Variants in ROBO2 observed in about 807,000 individuals in gnomAD.
ROBO2 encodes the protein roundabout homolog 2.
Under a neutral mutation model 160.8 loss-of-function variants are expected in ROBO2, and 53 were observed. That is an observed-to-expected ratio of 0.33 (90% confidence interval 0.26 to 0.41). The LOEUF is 0.41. Ranked by LOEUF, ROBO2 falls within the 10% of genes least tolerant of loss-of-function variation. ROBO2 has a pLI of 1.00. For missense variants in ROBO2, 1,577 were observed against 1,722.4 expected (o/e 0.92, Z 1.49); for synonymous variants, 664 against 611.7 (o/e 1.09, Z -1.26).
rs1385740052 is a variant in ROBO2, at chr3:76,312,076, GT to G, written c.109+374477del. ...GGTTCTGCTTCCCCGAATGCCATTTGTTTATATAAACACAAGTTACCAAGAT... is the reference window on the plus strand; with the variant it reads ...GGTTCTGCTTCCCCGAATGCCATTTGTTATATAAACACAAGTTACCAAGAT... On this transcript the variant is annotated intron_variant, in intron 2 of 26. Transcript: ENST00000487694. Among the ~76,000 whole-genome samples, 7 of 152,150 alleles carry G rather than the reference GT, an allele frequency of 4.6e-5. No individual in the cohort carries two copies. In the East Asian group the frequency reaches 1.3e-3, roughly 29 times the overall value.
At chr3:77,614,804 G>A (rs939562463) in intron 21 of ROBO2, among the ~76,000 whole-genome samples, 2 of 152,028 alleles carry the variant, frequency 1.3e-5, no homozygotes, top group Non-Finnish European at 2.9e-5. Flanking sequence ...CTCACCCACA[G>A]GAAAATTTCA....
chr3:77,230,081 C>G (rs2086978957), intron 2 of ROBO2, among the ~76,000 whole-genome samples: 1 of 151,766 alleles, frequency 6.6e-6, no homozygotes, highest in African/African-American at 2.4e-5. Context: ...TTACTTGAAT[C>G]ACCCATGCTA....
chr3:76,128,586 C>T (rs1449764705), intron 2 of ROBO2, among the ~76,000 whole-genome samples: 2 of 116,458 alleles, frequency 1.7e-5, no homozygotes, highest in Non-Finnish European at 4.2e-5. Flanking sequence ...CACATTCTTT[C>T]CCTGAAGGAT....
At chr3:77,463,737 C>G (rs531880479) in intron 2 of ROBO2, among the ~76,000 whole-genome samples, 1 of 152,112 alleles carries the variant, frequency 6.6e-6, no homozygotes, top group Non-Finnish European at 1.5e-5. Context: ...CACACCATTA[C>G]GCCTGGCTAA....
intron 2 of ROBO2, among the ~76,000 whole-genome samples, chr3:76,489,554 GT>G (rs1467081030): frequency 1.3e-5 from 2 of 152,088 alleles, no homozygotes; most frequent in African/African-American, 2.4e-5. Flanking sequence ...GTAGTAAGAA[GT>G]TTTCACCAAA....
intron 2 of ROBO2, among the ~76,000 whole-genome samples, chr3:77,243,311 C>A (rs1296405999): frequency 6.6e-6 from 1 of 152,008 alleles, no homozygotes; most frequent in Non-Finnish European, 1.5e-5. Context: ...AAATTCAGCC[C>A]TTTGAATAAT....
At chr3:77,550,450 T>C (rs1391775580) in intron 7 of ROBO2, among the ~76,000 whole-genome samples, 2 of 152,062 alleles carry the variant, frequency 1.3e-5, no homozygotes, top group Non-Finnish European at 2.9e-5. Context: ...CAGATCTTCA[T>C]GAGGCCTTAG....
chr3:77,185,797 T>C (rs959401355), intron 2 of ROBO2, among the ~76,000 whole-genome samples: 15 of 135,286 alleles, frequency 1.1e-4, no homozygotes, highest in African/African-American at 3.8e-4. Context: ...AAATAAACTG[T>C]GATACACACA....
chr3:77,364,584 C>G (rs2070551316), intron 2 of ROBO2, among the ~76,000 whole-genome samples: 1 of 152,124 alleles, frequency 6.6e-6, no homozygotes, highest in Non-Finnish European at 1.5e-5. Flanking sequence ...ATTTTGGGGT[C>G]AGAACACTGG....
chr3:77,456,443 GT>G (rs1334463646), intron 2 of ROBO2, among the ~76,000 whole-genome samples: 1 of 152,162 alleles, frequency 6.6e-6, no homozygotes, highest in African/African-American at 2.4e-5. Flanking sequence ...ACTTAATGAT[GT>G]TTTAATAAAA....
intron 2 of ROBO2, among the ~76,000 whole-genome samples, chr3:76,462,380 C>G (rs2106814461): frequency 6.6e-6 from 1 of 152,150 alleles, no homozygotes; most frequent in Non-Finnish European, 1.5e-5. Context: ...TATATGAAAA[C>G]TCAGTACATA....
intron 7 of ROBO2, among the ~76,000 whole-genome samples, chr3:77,549,392 G>C (rs971330741): frequency 1.3e-5 from 2 of 151,876 alleles, no homozygotes; most frequent in Non-Finnish European, 2.9e-5. Context: ...CGTTTATTTT[G>C]ATAATACATT....
chr3:77,001,172 C>A (rs1189906538), intron 2 of ROBO2, among the ~76,000 whole-genome samples: 12 of 152,118 alleles, frequency 7.9e-5, no homozygotes. Flanking sequence ...AAATCTGATA[C>A]CGTACTTTGA....
chr3:76,297,864 G>GT (rs1332370529), intron 2 of ROBO2, among the ~76,000 whole-genome samples: 2 of 152,164 alleles, frequency 1.3e-5, no homozygotes, highest in Admixed American at 1.3e-4. Flanking sequence ...TGTGAATGCT[G>GT]TAACATGCAT....
At chr3:75,947,013 T>A (rs1398520110) in intron 2 of ROBO2, among the ~76,000 whole-genome samples, 1 of 151,936 alleles carries the variant, frequency 6.6e-6, no homozygotes, top group Non-Finnish European at 1.5e-5. Flanking sequence ...AGCAATAAAT[T>A]TGGAGAAAAT....
At position 76,259,134 on chromosome 3, in the gene ROBO2, T is replaced by G. The variant is rs573041250; in HGVS notation, c.109+321532T>G. On this transcript the variant is annotated intron_variant, in intron 2 of 26. Transcript: ENST00000487694. The stretch of plus-strand genomic sequence containing the variant: ...TATGCTTTGTTTTTTAGGCTGCTGG[T>G]GTTTTTTGTTTTGTTTTGTTTTGTT... Among the ~76,000 whole-genome samples the G allele has an allele frequency of 3.6e-4, 55 of 152,232 alleles. 1 individual carries two copies. Among genetic ancestry groups the G allele is most frequent in the African/African-American group, 1.3e-3 (54 of 41,572 alleles).
At chr3:76,859,240 A>G (rs2070472030) in intron 2 of ROBO2, among the ~76,000 whole-genome samples, 1 of 152,228 alleles carries the variant, frequency 6.6e-6, no homozygotes, top group African/African-American at 2.4e-5. Context: ...CATGACTTTC[A>G]AGAGAGGCAT....
chr3:76,243,533 G>C (rs1173169826), intron 2 of ROBO2, among the ~76,000 whole-genome samples: 1 of 152,232 alleles, frequency 6.6e-6, no homozygotes, highest in East Asian at 1.9e-4. Context: ...GCAGCCGGGA[G>C]TCTCTGGGAG....
chr3:77,433,306 A>G (rs2078963591), intron 2 of ROBO2, among the ~76,000 whole-genome samples: 1 of 151,668 alleles, frequency 6.6e-6, no homozygotes, highest in African/African-American at 2.4e-5. Context: ...ATTAGCTAGG[A>G]GAGTTAACCA....
Sources: gnomAD v4.1 joint callset for allele counts (sites outside exome capture counted in the v4.1 genomes callset) on GRCh38, gnomAD v4.1.1 for gene constraint, MANE v1.5 for transcripts, NCBI Gene and HGNC (gene_info 2026-07-23, HGNC 2026-07-21) for gene names.